The following TPO variants were observed in gnomAD, a reference collection of about 807,000 sequenced individuals.
TPO encodes the protein thyroid microsomal antigen.
TPO carries 78 observed loss-of-function variants against 96.9 expected under a neutral mutation model. The observed-to-expected ratio is 0.81, with a 90% confidence interval of 0.67 to 0.97. The LOEUF (loss-of-function observed/expected upper bound fraction) is 0.97. Ranked by LOEUF, TPO falls within the 50% of genes least tolerant of loss-of-function variation. The probability of loss-of-function intolerance (pLI) is 0.00; values close to 1 mark genes in which losing one functional copy is unlikely to be tolerated. For synonymous variants in TPO, 547 were observed against 538.0 expected (o/e 1.02, Z -0.23); for missense variants, 1,252 against 1,274.8 (o/e 0.98, Z 0.27).
chr2:1,432,215 A>G (rs1458972283), intron 3 of TPO, among the ~76,000 whole-genome samples: 2 of 152,358 alleles, frequency 1.3e-5, no homozygotes, highest in Non-Finnish European at 2.9e-5. Context: ...GACAAGAAGG[A>G]TGGTGAACTT....
rs1680636397 is a variant in TPO, at chr2:1,540,644, G to T, written c.2669G>T (p.Gly890Val). 6.2e-7 allele frequency: 1 copy of T among 1,613,442 alleles called. No homozygotes were observed. The highest frequency in any genetic ancestry group is 1.7e-5 in the Admixed American group (1 of 60,002). Residue 890 changes from glycine (G) to valine (V), a missense_variant, in exon 16 of 17, where the codon GGA becomes GTA. Gly to Val is a moderately radical substitution (Grantham distance 109). Transcript: ENST00000329066. Reference protein sequence around the residue: ...STLPISETGGGTPELRCGKHQ... With the variant: ...STLPISETGGVTPELRCGKHQ... ...CTGCCCATCTCGGAGACAGGCGGAG[G>T]AACTCCCGAGCTGAGATGCGGAAAG... is the stretch of plus-strand genomic sequence containing the variant.
At chr2:1,447,347 C>T (rs940067697) in intron 5 of TPO, among the ~76,000 whole-genome samples, 2 of 152,222 alleles carry the variant, frequency 1.3e-5, no homozygotes, top group Non-Finnish European at 2.9e-5. Context: ...AAAATTGCCA[C>T]TCAGAAAATT....
At chr2:1,535,228 A>C (rs1179195238) in intron 15 of TPO, among the ~76,000 whole-genome samples, 1 of 110,384 alleles carries the variant, frequency 9.1e-6, no homozygotes, top group African/African-American at 3.4e-5. Context: ...ATTCTGTGCA[A>C]CCTCCCCAAA....
chr2:1,512,729 G>A (rs1024706503), intron 14 of TPO, among the ~76,000 whole-genome samples: 4 of 152,224 alleles, frequency 2.6e-5, no homozygotes, highest in Non-Finnish European at 5.9e-5. Context: ...CAGGCCGCCG[G>A]TGGAGCCTGA....
At chr2:1,455,462 C>G (rs1420194321) in intron 6 of TPO, among the ~76,000 whole-genome samples, 1 of 152,212 alleles carries the variant, frequency 6.6e-6, no homozygotes, top group South Asian at 2.1e-4. Flanking sequence ...TCAGGTAGGG[C>G]AGGCTCAGGG....
At chr2:1,482,898 G>A (rs28910603) in intron 8 of TPO, among the ~76,000 whole-genome samples, 5,901 of 152,188 alleles carry the variant, frequency 0.039, 163 homozygotes, top group Middle Eastern at 0.12. Flanking sequence ...GCCCAGGCTG[G>A]TCTTGATCTT....
intron 5 of TPO, among the ~76,000 whole-genome samples, chr2:1,442,276 T>G (rs1288798685): frequency 6.6e-6 from 1 of 152,144 alleles, no homozygotes; most frequent in African/African-American, 2.4e-5. Context: ...TGGAAATAGA[T>G]GCAATCAGGG....
intron 7 of TPO, among the ~76,000 whole-genome samples, chr2:1,461,061 C>A (rs1573288060): frequency 6.6e-6 from 1 of 152,128 alleles, no homozygotes; most frequent in Non-Finnish European, 1.5e-5. Flanking sequence ...CAGTTGGGGG[C>A]CACCATCTGG....
At chr2:1,409,964 T>G (rs1345448208), upstream of TPO, among the ~76,000 whole-genome samples, 9 of 7,648 alleles carry the variant, frequency 1.2e-3, no homozygotes, top group Admixed American at 7.9e-3. Context: ...GGGGCAGGTG[T>G]GGTGGGGGCT....
intron 5 of TPO, among the ~76,000 whole-genome samples, chr2:1,445,505 G>T (rs1306799985): frequency 7.9e-6 from 1 of 127,090 alleles, no homozygotes; most frequent in Non-Finnish European, 1.7e-5. Flanking sequence ...GAATGGGCAG[G>T]CTCCTTCTTG....
At chr2:1,524,968 C>G (rs1218586960) in intron 15 of TPO, among the ~76,000 whole-genome samples, 4 of 123,348 alleles carry the variant, frequency 3.2e-5, no homozygotes, top group African/African-American at 9.8e-5. Context: ...CTCCCCAAAT[C>G]CCCCCAGTGT....
At chr2:1,524,859 C>T (rs1676060640) in intron 15 of TPO, among the ~76,000 whole-genome samples, 1 of 139,834 alleles carries the variant, frequency 7.2e-6, no homozygotes, top group South Asian at 2.3e-4. Context: ...CCCCAAATCC[C>T]CCCACTGTGA....
chr2:1,472,391 G>A (rs755114370), intron 7 of TPO, among the ~76,000 whole-genome samples: 36 of 152,164 alleles, frequency 2.4e-4, no homozygotes, highest in Non-Finnish European at 4.4e-4. Flanking sequence ...GTCACGGTGT[G>A]CCCTTTCCAT....
chr2:1,537,213 T>A (rs1573658254), intron 15 of TPO, among the ~76,000 whole-genome samples: 6 of 81,792 alleles, frequency 7.3e-5, no homozygotes, highest in Admixed American at 3.1e-4. Context: ...CCCCACTGTG[T>A]GCCACCTCCC....
chr2:1,459,541 C>T (rs990079848), intron 7 of TPO, among the ~76,000 whole-genome samples: 2 of 152,196 alleles, frequency 1.3e-5, no homozygotes, highest in African/African-American at 4.8e-5. Flanking sequence ...GGCAGTTATT[C>T]TGTGCCATGC....
chr2:1,495,863 G>A (rs928362313), intron 11 of TPO, 126 bp from the exon 12 acceptor site: 5 of 1,081,944 alleles, frequency 4.6e-6, no homozygotes, highest in Non-Finnish European at 5.4e-6. Flanking sequence ...GGCCCCGGGT[G>A]CTGGGGGTCT....
At chr2:1,527,346 G>A (rs1432692203) in intron 15 of TPO, among the ~76,000 whole-genome samples, 2 of 32,174 alleles carry the variant, frequency 6.2e-5, no homozygotes, top group East Asian at 1.0e-3. Flanking sequence ...AATACCCCCC[G>A]TGAGCAACCT....
chr2:1,443,282 C>T (rs563135729), intron 5 of TPO, among the ~76,000 whole-genome samples: 69 of 152,124 alleles, frequency 4.5e-4, no homozygotes, highest in African/African-American at 1.4e-3. Flanking sequence ...CAGGAGGCAC[C>T]GTGTTGGAAG....
rs1011106634 is a variant in TPO at position 1,489,200 on chromosome 2, C to G, written c.1768+1209C>G. Among the ~76,000 whole-genome samples, 23 of 148,994 alleles carry G rather than the reference C, an allele frequency of 1.5e-4. No individual in the cohort carries two copies. In the South Asian group the frequency reaches 4.9e-3, roughly 32 times the overall value. ...CACGCCTGCACATACCCATCACATG[C>G]CCAGCACATGCCCAGCACACGCCTG... On this transcript the variant is annotated intron_variant, in intron 10 of 16. Transcript: ENST00000329066.
Sources: allele counts gnomAD v4.1 joint callset (sites outside exome capture counted in the v4.1 genomes callset), GRCh38; gene constraint gnomAD v4.1.1; transcripts MANE v1.5; gene names NCBI Gene and HGNC (gene_info 2026-07-23, HGNC 2026-07-21).